The following PCDHA8 variants were observed in gnomAD, a reference collection of about 807,000 sequenced individuals.
The protein encoded by PCDHA8 is protocadherin alpha 8, also known as protocadherin alpha-8.
PCDHA8 carries 53 observed loss-of-function variants against 61.8 expected under a neutral mutation model. The ratio of observed to expected loss-of-function variants is 0.86; its 90% confidence interval spans 0.69 to 1.08. PCDHA8 has a LOEUF of 1.08. Ranked by LOEUF, PCDHA8 falls within the 50% of genes least tolerant of loss-of-function variation. The probability of loss-of-function intolerance (pLI) is 0.00; values close to 1 mark genes in which losing one functional copy is unlikely to be tolerated. For synonymous variants in PCDHA8, 618 were observed against 556.6 expected (o/e 1.11, Z -1.55); for missense variants, 1,293 against 1,245.0 (o/e 1.04, Z -0.58).
In PCDHA8 at chr5:140,871,238, T is replaced by C. The variant is rs200192228; in HGVS notation, c.2394+27523T>C. 68 of 1,613,968 alleles carry C rather than the reference T, an allele frequency of 4.2e-5. No homozygotes were observed. The Admixed American group carries it at 6.2e-4, about 15-fold the overall frequency. ...TGCGTGGTGTCCAGCCTCCTGGTACTCACGCTGCTGCTGTATACGGCGCTG... is the reference window on the plus strand; with the variant it reads ...TGCGTGGTGTCCAGCCTCCTGGTACCCACGCTGCTGCTGTATACGGCGCTG... On this transcript the variant is annotated intron_variant, in intron 1 of 3. Transcript: ENST00000531613.
intron 1 of PCDHA8, chr5:140,883,550 C>A: frequency 6.2e-7 from 1 of 1,614,188 alleles, no homozygotes; most frequent in Non-Finnish European, 8.5e-7. Flanking sequence ...GGTGACCGCG[C>A]GGGACGGGGG....
chr5:140,868,238 C>T (rs1413759486), intron 1 of PCDHA8: 6 of 151,984 alleles, frequency 3.9e-5, no homozygotes, highest in African/African-American at 7.2e-5. Flanking sequence ...TCATCTAGAT[C>T]AATAGACTTT....
chr5:140,884,054 G>C (rs1313975286), intron 1 of PCDHA8: 8 of 1,613,390 alleles, frequency 5.0e-6, no homozygotes, highest in Non-Finnish European at 4.2e-6. Context: ...GAAGGTGCGC[G>C]CGGTGGACGC....
intron 1 of PCDHA8, among the ~76,000 whole-genome samples, chr5:140,952,097 G>A (rs1385693579): frequency 1.3e-5 from 2 of 152,066 alleles, no homozygotes; most frequent in East Asian, 3.9e-4. Context: ...CACATCCAGG[G>A]CACACTCGTG....
chr5:140,927,150 G>GT, intron 1 of PCDHA8: 1 of 1,614,134 alleles, frequency 6.2e-7, no homozygotes, highest in Non-Finnish European at 8.5e-7. Context: ...GCGAACAGCT[G>GT]TGCAGGGCCA....
In PCDHA8 at chr5:140,967,001, A is replaced by T. The variant is rs1048933252; in HGVS notation, c.2395-11948A>T. The T allele has an allele frequency of 3.1e-6, 5 of 1,605,060 alleles. No homozygotes were observed. The South Asian group carries it at 5.5e-5, about 18-fold the overall frequency. The stretch of plus-strand genomic sequence containing the variant: ...GCGCTTGGGGCCGGGTTGCTTGCGC[A>T]TCAACCATCTGGGTGCGCCCAGTCC... On this transcript the variant is annotated intron_variant, in intron 1 of 3. Transcript: ENST00000531613.
intron 1 of PCDHA8, among the ~76,000 whole-genome samples, chr5:140,960,268 C>T (rs909300103): frequency 3.3e-5 from 5 of 152,222 alleles, no homozygotes; most frequent in African/African-American, 7.2e-5. Context: ...TGATAAATTC[C>T]GTCACCTTTT....
At chr5:140,876,418 T>C in intron 1 of PCDHA8, 1 of 1,613,982 alleles carries the variant, frequency 6.2e-7, no homozygotes, top group Non-Finnish European at 8.5e-7. Flanking sequence ...GAATAATGCC[T>C]ATGAAATTCA....
At chr5:140,870,452 A>G in intron 1 of PCDHA8, 1 of 1,614,168 alleles carries the variant, frequency 6.2e-7, no homozygotes, top group Non-Finnish European at 8.5e-7. Context: ...GTGAACGACA[A>G]TGCGCCTGCG....
intron 1 of PCDHA8, chr5:140,856,832 C>A (rs2044230469): frequency 3.1e-6 from 5 of 1,590,918 alleles, no homozygotes; most frequent in Non-Finnish European, 4.3e-6. Context: ...ATTAGTAATA[C>A]GGCTCAACGC....
chr5:140,872,828 A>G (rs1393520150), intron 1 of PCDHA8, among the ~76,000 whole-genome samples: 2 of 152,234 alleles, frequency 1.3e-5, no homozygotes, highest in African/African-American at 4.8e-5. Flanking sequence ...CATCTAGCAG[A>G]GAAAAAATTA....
chr5:140,888,447 A>G (rs1554183478), intron 1 of PCDHA8, among the ~76,000 whole-genome samples: 1 of 152,190 alleles, frequency 6.6e-6, no homozygotes, highest in Non-Finnish European at 1.5e-5. Context: ...CCCAACAATA[A>G]AGAATTAGCT....
At chr5:140,865,343 A>T (rs1386264377) in intron 1 of PCDHA8, 1 of 152,216 alleles carries the variant, frequency 6.6e-6, no homozygotes, top group Non-Finnish European at 1.5e-5. Flanking sequence ...AAGAAATAGT[A>T]TATTTACATA....
chr5:140,915,132 AGAGAC>A (rs1406752818), intron 1 of PCDHA8, among the ~76,000 whole-genome samples: 1 of 151,994 alleles, frequency 6.6e-6, no homozygotes, highest in Non-Finnish European at 1.5e-5. Flanking sequence ...TATTTTTAGT[AGAGAC>A]GGGGTTTCAC....
intron 1 of PCDHA8, chr5:140,930,355 C>G (rs1044171600): frequency 6.6e-6 from 1 of 151,448 alleles, no homozygotes; most frequent in Non-Finnish European, 1.5e-5. Context: ...TCAAATATTT[C>G]AATTTATCTG....
intron 3 of PCDHA8, among the ~76,000 whole-genome samples, chr5:140,990,589 C>G (rs1208213426): frequency 6.6e-6 from 1 of 152,196 alleles, no homozygotes; most frequent in African/African-American, 2.4e-5. Flanking sequence ...TTCCTATAAT[C>G]ACCTGGAGTC....
chr5:140,959,480 T>C (rs1554224103), intron 1 of PCDHA8, among the ~76,000 whole-genome samples: 1 of 152,222 alleles, frequency 6.6e-6, no homozygotes, highest in Non-Finnish European at 1.5e-5. Context: ...TCAAGGCATA[T>C]TGTTATATAT....
intron 1 of PCDHA8, chr5:140,853,175 G>A: frequency 1.0e-6 from 1 of 970,848 alleles, no homozygotes. Flanking sequence ...CACCGCGCCT[G>A]GCCTAAAATG....
chr5:140,861,636 CA>C, intron 1 of PCDHA8: 1 of 303,242 alleles, frequency 3.3e-6, no homozygotes. Flanking sequence ...CTCAGCAACA[CA>C]AAAGAATCTG....
Sources: allele counts gnomAD v4.1 joint callset (sites outside exome capture counted in the v4.1 genomes callset), GRCh38; gene constraint gnomAD v4.1.1; transcripts MANE v1.5; gene names NCBI Gene and HGNC (gene_info 2026-07-23, HGNC 2026-07-21).